The following DSEL variants were observed in gnomAD, a reference collection of about 807,000 sequenced individuals.
DSEL encodes dermatan sulfate epimerase like.
Under a neutral mutation model 96.6 loss-of-function variants are expected in DSEL, and 61 were observed. The observed-to-expected ratio is 0.63, with a 90% CI of 0.51 to 0.78. The LOEUF is 0.78. Ranked by LOEUF, DSEL falls within the 30% of genes least tolerant of loss-of-function variation. The pLI is 0.00. For synonymous variants in DSEL, 514 were observed against 502.0 expected, an observed-to-expected ratio of 1.02 and a Z score of -0.32; for missense variants, 1,320 against 1,430.8, an observed-to-expected ratio of 0.92 and a Z score of 1.25.
rs1310460080 is a variant in DSEL at position 67,512,634 on chromosome 18, T to C, written c.1975A>G (p.Lys659Glu). ...ACATTAACAAATTGAGTCCATCGTT[T>C]TTTAAATTCAGCAGCTTGCTCTGCT... is the stretch of plus-strand genomic sequence containing the variant. ...QEAEQAAEFK[K>E]RWTQFVNVTF... The change falls in exon 2 of 2, where the codon AAA becomes GAA. Residue 659 changes from lysine (K) to glutamate (E), a missense_variant. This residue lies in a region of DSEL where 986 missense variants were observed against 1,066.4 expected (regional missense o/e 0.92). Transcript: ENST00000310045. The C allele has an allele frequency of 6.2e-7, 1 of 1,614,166 alleles. No individual in the cohort carries two copies. The highest frequency in any genetic ancestry group is 1.7e-5 in the Admixed American group (1 of 60,028).
Position 67,515,166 on chromosome 18 carries a change from T to G in DSEL, c.-558A>C, listed in dbSNP as rs1033528467. ...ATTCCTCTCAACTTTTTATACTTCT[T>G]GTCTTGTGAATACGTTTTTCTTTCA... On this transcript the variant is annotated 5_prime_UTR_variant, in exon 2 of 2. Transcript: ENST00000310045. 6.0e-6 allele frequency: 1 copy of G among 167,394 alleles called. No homozygotes were observed. Among genetic ancestry groups the G allele is most frequent in the African/African-American group, 2.4e-5 (1 of 41,488 alleles). 10.4% of individuals were successfully genotyped at this position (167,394 alleles called of 1,614,324 possible). A position where few individuals can be genotyped will look rare whatever the true frequency, so the allele number is the denominator to read the frequency against.
At position 67,513,733 on chromosome 18, in the gene DSEL, A is replaced by C. The variant is rs142436264; in HGVS notation, c.876T>G (p.Phe292Leu). Residue 292 changes from phenylalanine to leucine, a missense_variant, in exon 2 of 2, where the codon TTT becomes TTG. Transcript: ENST00000310045. The stretch of plus-strand genomic sequence containing the variant: ...TGATATTAAAATGGCGCTGGGCCAG[A>C]AAAACATACTGTGTGACGGATTTAG... ...YTAKSVTQYV[F>L]LAQRHFNINN... 10 of 1,614,104 alleles carry C rather than the reference A, an allele frequency of 6.2e-6. No individual in the cohort carries two copies. The highest frequency in any genetic ancestry group is 8.5e-6 in the Non-Finnish European group (10 of 1,180,050).
In DSEL at chr18:67,511,851, G is replaced by A. The variant is rs1434135262; in HGVS notation, c.2758C>T (p.Arg920Ter). Reference protein sequence around the residue: ...DIRSGHFRLLRGWLQSLVQDT... With the variant: ...DIRSGHFRLL ...TGGACTAAAGACTGCAACCAGCCTC[G>A]GAGTAAACGAAAATGCCCACTGCGG... The change falls in exon 2 of 2, where the codon CGA becomes TGA. Residue 920 changes from arginine (R) to a stop codon, truncating the protein, a stop_gained. Transcript: ENST00000310045. LOFTEE classifies it high-confidence loss of function. 3 of 1,613,990 alleles carry A rather than the reference G, an allele frequency of 1.9e-6. No homozygotes were observed. Among genetic ancestry groups the A allele is most frequent in the South Asian group, 1.1e-5 (1 of 91,084 alleles).
rs1429372366 is a variant in DSEL, at chr18:67,513,972, CCTTGGAATA to C, written c.628_636del (p.Tyr210_Lys212del). On this transcript the variant is annotated inframe_deletion, in exon 2 of 2. Coordinates refer to ENST00000310045, the MANE Select transcript of DSEL (RefSeq NM_032160.3). ...AGAAGCTGTTTGCCCCATGAGCGGA[CCTTGGAATA>C]CTCGTACATTTCCTCAGTAATAACC... The C allele has an allele frequency of 6.2e-7, 1 of 1,614,090 alleles. No homozygotes were observed.
chr18:67,507,066 T>C lies in DSEL; in HGVS notation c.*3904A>G, dbSNP rs1256925312. On this transcript the variant is annotated 3_prime_UTR_variant, in exon 2 of 2. Transcript: ENST00000310045. Reference sequence around the variant, plus strand: ...TGATATCTTAGAATGTCAGGTACCCTTGCCAGGTGTGGTGGCTCATGCCTG... The same window carrying C: ...TGATATCTTAGAATGTCAGGTACCCCTGCCAGGTGTGGTGGCTCATGCCTG... The C allele has an allele frequency of 1.3e-5, 2 of 152,104 alleles. No individual in the cohort carries two copies. Among genetic ancestry groups the C allele is most frequent in the East Asian group, 1.9e-4 (1 of 5,180 alleles). 9.4% of individuals were successfully genotyped at this position (152,104 alleles called of 1,614,324 possible). A position where few individuals can be genotyped will look rare whatever the true frequency, so the allele number is the denominator to read the frequency against.
At position 67,512,562 on chromosome 18, in the gene DSEL, AAAAGACATATGCAAT is replaced by A; in HGVS notation, c.2032_2046del (p.Ile678_Phe682del). On this transcript the variant is annotated inframe_deletion, in exon 2 of 2. Coordinates refer to ENST00000310045, the MANE Select transcript of DSEL (RefSeq NM_032160.3). ...CTGGAGACATTGATATATGGCCCATAAAAGACATATGCAATTCTTGTGATTGTGGGTTCCATCTGA... is the reference window on the plus strand; with the variant it reads ...CTGGAGACATTGATATATGGCCCATATCTTGTGATTGTGGGTTCCATCTGA... The A allele has an allele frequency of 6.2e-7, 1 of 1,614,234 alleles. No individual in the cohort carries two copies. The highest frequency in any genetic ancestry group is 8.5e-7 in the Non-Finnish European group (1 of 1,180,032).
chr18:67,514,706 A>G lies in DSEL; in HGVS notation c.-98T>C. 7.5e-7 allele frequency: 1 copy of G among 1,328,636 alleles called. No individual in the cohort carries two copies. The highest frequency in any genetic ancestry group is 1.0e-6 in the Non-Finnish European group (1 of 959,624). The allele number at this position is 1,328,636 out of a possible 1,614,324, so 82.3% of individuals were successfully genotyped here. On this transcript the variant is annotated 5_prime_UTR_variant, in exon 2 of 2. Coordinates refer to ENST00000310045, the MANE Select transcript of DSEL (RefSeq NM_032160.3). ...TATAAAACATACAGTAAAGGCCTTG[A>G]TAAGACAAAGACTGTAAATCTGATA... is the stretch of plus-strand genomic sequence containing the variant.
rs750660832 is a variant in DSEL at position 67,512,904 on chromosome 18, C to T, written c.1705G>A (p.Val569Ile). The T allele has an allele frequency of 1.2e-6, 2 of 1,614,190 alleles. No homozygotes were observed. The highest frequency in any genetic ancestry group is 1.3e-5 in the African/African-American group (1 of 75,046). ...AYSSAMRLKS[V>I]YRALLLLNSQ... The stretch of plus-strand genomic sequence containing the variant: ...TTTAAGAGAAGCAAAGCACGATATA[C>T]ACTTTTCAGTCTCATTGCTGAAGAA... Residue 569 changes from valine (V) to isoleucine (I), a missense_variant, in exon 2 of 2, where the codon GTA becomes ATA. Coordinates refer to ENST00000310045, the MANE Select transcript of DSEL (RefSeq NM_032160.3).
Position 67,513,760 on chromosome 18 carries a change from T to C in DSEL, c.849A>G (p.Thr283=). 1 of 1,614,210 alleles carries C rather than the reference T, an allele frequency of 6.2e-7. No individual in the cohort carries two copies. Among genetic ancestry groups the C allele is most frequent in the African/African-American group, 1.3e-5 (1 of 75,052 alleles). The change falls in exon 2 of 2, where the codon ACA becomes ACG. Residue 283 remains threonine (T), a synonymous_variant. Coordinates refer to ENST00000310045, the MANE Select transcript of DSEL (RefSeq NM_032160.3). The stretch of plus-strand genomic sequence containing the variant: ...AAACATACTGTGTGACGGATTTAGC[T>C]GTGTAGCTTCCATAGGCCACACCTT... ...LDEGVAYGSY[T]AKSVTQYVFL... is the part of the protein sequence containing the mutation.
rs1254819652 is a variant in DSEL, at chr18:67,513,652, A to G, written c.957T>C (p.Leu319=). ...KMHFWFYYAT[L]LPGFQRTVGI... ...CCACAGTTCTTTGGAAGCCAGGTAAAAGGGTGGCATAATAGAACCAAAAGT... is the reference window on the plus strand; with the variant it reads ...CCACAGTTCTTTGGAAGCCAGGTAAGAGGGTGGCATAATAGAACCAAAAGT... Residue 319 remains leucine, a synonymous_variant, in exon 2 of 2, where the codon CTT becomes CTC. Coordinates refer to ENST00000310045, the MANE Select transcript of DSEL (RefSeq NM_032160.3). 1 of 1,614,072 alleles carries G rather than the reference A, an allele frequency of 6.2e-7. No individual in the cohort carries two copies. The highest frequency in any genetic ancestry group is 8.5e-7 in the Non-Finnish European group (1 of 1,180,038).
At position 67,513,139 on chromosome 18, in the gene DSEL, A is replaced by G. The variant is rs1402521801; in HGVS notation, c.1470T>C (p.Tyr490=). Residue 490 remains tyrosine, a synonymous_variant, in exon 2 of 2, where the codon TAT becomes TAC. Transcript: ENST00000310045. ...NGQVFVSEAL[Y]GPKLSHLNNV... Reference sequence around the variant, plus strand: ...TGTTAAGGTGGCTCAACTTGGGTCCATAGAGAGCTTCAGAAACAAATACTT... The same window carrying G: ...TGTTAAGGTGGCTCAACTTGGGTCCGTAGAGAGCTTCAGAAACAAATACTT... The G allele has an allele frequency of 6.2e-7, 1 of 1,614,186 alleles. No homozygotes were observed. Among genetic ancestry groups the G allele is most frequent in the East Asian group, 2.2e-5 (1 of 44,872 alleles).
chr18:67,510,961 C>G lies in DSEL; in HGVS notation c.*9G>C. Reference sequence around the variant, plus strand: ...ATTATTAGTGCAAATTTCTGCTGACCTGCAGCATTTAGTCCATAAACTTTG... The same window carrying G: ...ATTATTAGTGCAAATTTCTGCTGACGTGCAGCATTTAGTCCATAAACTTTG... On this transcript the variant is annotated 3_prime_UTR_variant, in exon 2 of 2. Transcript: ENST00000310045. The G allele has an allele frequency of 3.2e-6, 5 of 1,549,352 alleles. No individual in the cohort carries two copies. The highest frequency in any genetic ancestry group is 1.4e-5 in the African/African-American group (1 of 72,520).
At position 67,513,932 on chromosome 18, in the gene DSEL, G is replaced by C. The variant is rs201308717; in HGVS notation, c.677C>G (p.Ala226Gly). 1 of 1,614,110 alleles carries C rather than the reference G, an allele frequency of 6.2e-7. No homozygotes were observed. The highest frequency in any genetic ancestry group is 8.5e-7 in the Non-Finnish European group (1 of 1,180,026). The stretch of plus-strand genomic sequence containing the variant: ...TGTGAGTAATGCTATCATATTAGTG[G>C]CTTGGTGGTTATGGAGAAGCTGTTT... ...WGKQLLHNHQATNMIALLTGA... is the reference protein window; with the variant it reads ...WGKQLLHNHQGTNMIALLTGA... The change falls in exon 2 of 2, where the codon GCC (alanine) becomes GGC (glycine). Residue 226 changes from alanine (A) to glycine (G), a missense_variant. Physicochemically the swap from Ala to Gly is moderately conservative, Grantham distance 60 (BLOSUM62 0). Around this residue, in one of 3 missense-constraint regions of DSEL, gnomAD observed 323 missense variants for 333.1 expected, o/e 0.97. Coordinates refer to ENST00000310045, the MANE Select transcript of DSEL (RefSeq NM_032160.3).
Position 67,514,304 on chromosome 18 carries a change from G to A in DSEL, c.305C>T (p.Thr102Ile), listed in dbSNP as rs1256318969. 1 of 1,614,224 alleles carries A rather than the reference G, an allele frequency of 6.2e-7. No homozygotes were observed. The highest frequency in any genetic ancestry group is 1.7e-5 in the Admixed American group (1 of 60,028). Residue 102 changes from threonine (T) to isoleucine (I), a missense_variant, in exon 2 of 2, where the codon ACA becomes ATA. Thr to Ile is a moderately conservative substitution (Grantham distance 89). Coordinates refer to ENST00000310045, the MANE Select transcript of DSEL (RefSeq NM_032160.3). ...ATGCTTTGGTGGAGGTAGGTAGTAT[G>A]TTGGGTTGGACAGCATAACTGTCAC... ...SAVTVMLSNP[T>I]YYLPPPKHAD...
At position 67,507,305 on chromosome 18, in the gene DSEL, C is replaced by T. The variant is rs2089415534; in HGVS notation, c.*3665G>A. On this transcript the variant is annotated 3_prime_UTR_variant, in exon 2 of 2. Transcript: ENST00000310045. ...GAGGTTGCAGTGAGCCGAGATCAGA[C>T]CACTGCACTCCAGCCTGGGCAACAA... 1 of 134,134 alleles carries T rather than the reference C, an allele frequency of 7.5e-6. No individual in the cohort carries two copies. Among genetic ancestry groups the T allele is most frequent in the African/African-American group, 2.8e-5 (1 of 35,406 alleles). The allele number at this position is 134,134 out of a possible 1,614,324, so 8.3% of individuals were successfully genotyped here.
rs1443253541 is a variant in DSEL at position 67,509,919 on chromosome 18, T to C, written c.*1051A>G. 2 of 152,680 alleles carry C rather than the reference T, an allele frequency of 1.3e-5. No individual in the cohort carries two copies. The highest frequency in any genetic ancestry group is 4.8e-5 in the African/African-American group (2 of 41,474). The allele number at this position is 152,680 out of a possible 1,614,324, so 9.5% of individuals were successfully genotyped here. A position where few individuals can be genotyped will look rare whatever the true frequency, so the allele number is the denominator to read the frequency against. On this transcript the variant is annotated 3_prime_UTR_variant, in exon 2 of 2. Coordinates refer to ENST00000310045, the MANE Select transcript of DSEL (RefSeq NM_032160.3). Reference sequence around the variant, plus strand: ...ATTTGCTTTCAACTTTTGCAGACACTGGCAGTCTGTAAACTCATTCAAAGG... The same window carrying C: ...ATTTGCTTTCAACTTTTGCAGACACCGGCAGTCTGTAAACTCATTCAAAGG...
chr18:67,512,440 G>T lies in DSEL; in HGVS notation c.2169C>A (p.Asn723Lys). The change falls in exon 2 of 2, where the codon AAC (asparagine) becomes AAA (lysine). Residue 723 changes from asparagine to lysine, a missense_variant. Coordinates refer to ENST00000310045, the MANE Select transcript of DSEL (RefSeq NM_032160.3). ...HVVSIVTDYH[N>K]LKTRFNYLGF... is the part of the protein sequence containing the mutation. ...CCAGATAATTGAATCTTGTCTTCAG[G>T]TTATGGTAATCAGTTACAATAGAAA... 1 of 1,614,134 alleles carries T rather than the reference G, an allele frequency of 6.2e-7. No individual in the cohort carries two copies. The highest frequency in any genetic ancestry group is 8.5e-7 in the Non-Finnish European group (1 of 1,180,032).
rs1433783524 is a variant in DSEL, at chr18:67,514,790, G to C, written c.-182C>G. On this transcript the variant is annotated 5_prime_UTR_variant, in exon 2 of 2. Coordinates refer to ENST00000310045, the MANE Select transcript of DSEL (RefSeq NM_032160.3). Reference sequence around the variant, plus strand: ...TAAGCAAGTGCAGTTGCCAAAAAGAGAAAACTTAAATTGTATATCTCTGTC... The same window carrying C: ...TAAGCAAGTGCAGTTGCCAAAAAGACAAAACTTAAATTGTATATCTCTGTC... The C allele has an allele frequency of 1.1e-5, 7 of 665,870 alleles. No homozygotes were observed. Among genetic ancestry groups the C allele is most frequent in the Non-Finnish European group, 5.0e-6 (2 of 399,002 alleles). The allele number at this position is 665,870 out of a possible 1,614,324, so 41.2% of individuals were successfully genotyped here. A position where few individuals can be genotyped will look rare whatever the true frequency, so the allele number is the denominator to read the frequency against.
Position 67,511,701 on chromosome 18 carries a change from G to A in DSEL, c.2908C>T (p.Gln970Ter). The change falls in exon 2 of 2, where the codon CAA becomes TAA. Residue 970 changes from glutamine to a stop codon, truncating the protein, a stop_gained. Transcript: ENST00000310045. LOFTEE classifies it high-confidence loss of function. ...KFKRRESLPEQRSQMKGAFDR... is the reference protein window; with the variant it reads ...KFKRRESLPE ...AAGGCGCCTTTCATTTGACTTCTTT[G>A]TTCTGGCAAAGACTCTCTCCTTTTA... 6.2e-7 allele frequency: 1 copy of A among 1,614,056 alleles called. No individual in the cohort carries two copies. The highest frequency in any genetic ancestry group is 8.5e-7 in the Non-Finnish European group (1 of 1,179,994).
Sources: gnomAD v4.1 joint callset for allele counts on GRCh38, gnomAD v4.1.1 for gene constraint, gnomAD v4.1.1 regional missense constraint, MANE v1.5 for transcripts, NCBI Gene and HGNC (gene_info 2026-07-23, HGNC 2026-07-21) for gene names.